The following CLCNKA variants were observed in gnomAD, a reference collection of about 807,000 sequenced individuals.
CLCNKA encodes the protein chloride voltage-gated channel Ka.
A neutral mutation model predicts 83.3 loss-of-function variants in CLCNKA; 66 were observed. The ratio of observed to expected loss-of-function variants is 0.79; its 90% CI spans 0.65 to 0.97. The LOEUF (loss-of-function observed/expected upper bound fraction) is 0.97. Ranked by LOEUF, CLCNKA falls within the 50% of genes least tolerant of loss-of-function variation. The probability of loss-of-function intolerance (pLI) is 0.00; values close to 1 mark genes in which losing one functional copy is unlikely to be tolerated. For synonymous variants in CLCNKA, 357 were observed against 370.4 expected (o/e 0.96, Z 0.42); for missense variants, 806 against 888.7 (o/e 0.91, Z 1.18).
At chr1:16,030,399 C>T in intron 14 of CLCNKA, 62 bp from the exon 15 acceptor site, 6 of 1,593,688 alleles carry the variant, frequency 3.8e-6, no homozygotes, top group East Asian at 4.5e-5. Context: ...TAGTTATTCC[C>T]TCACATCAGG....
At chr1:16,030,427 G>T in intron 14 of CLCNKA, 34 bp from the exon 15 acceptor site, 3 of 1,611,032 alleles carry the variant, frequency 1.9e-6, no homozygotes, top group Non-Finnish European at 2.5e-6. Context: ...CTGCCTCCTG[G>T]CCTGAGCCGA....
At chr1:16,030,342 C>A in intron 14 of CLCNKA, 119 bp from the exon 15 acceptor site, 4 of 1,273,984 alleles carry the variant, frequency 3.1e-6, no homozygotes, top group Non-Finnish European at 4.4e-6. Flanking sequence ...AGTGCCCAGG[C>A]TGTGGCCTCT....
At position 16,023,861 on chromosome 1, in the gene CLCNKA, G is replaced by T. The variant is rs1365289914; in HGVS notation, c.162G>T (p.Met54Ile). 6.2e-7 allele frequency: 1 copy of T among 1,614,200 alleles called. No homozygotes were observed. Among genetic ancestry groups the T allele is most frequent in the South Asian group, 1.1e-5 (1 of 91,076 alleles). The change falls in exon 3 of 20, where the codon ATG (methionine) becomes ATT (isoleucine). Residue 54 changes from methionine (M) to isoleucine (I), a missense_variant. Transcript: ENST00000331433. ...FRLGEDWYFL[M>I]TLGVLMALVS... ...TGGGAGAAGACTGGTACTTCCTGAT[G>T]ACCCTCGGGGTGCTCATGGCCCTGG...
intron 14 of CLCNKA, 40 bp downstream of exon 14, chr1:16,030,115 G>T: frequency 6.9e-7 from 1 of 1,444,586 alleles, no homozygotes; most frequent in Non-Finnish European, 9.7e-7. Context: ...CAATGTCGTG[G>T]GGCTGGGCTG....
At position 16,024,837 on chromosome 1, in the gene CLCNKA, GC is replaced by G; in HGVS notation, c.307del (p.Leu103SerfsTer24). 6.2e-7 allele frequency: 1 copy of G among 1,614,144 alleles called. No homozygotes were observed. Among genetic ancestry groups the G allele is most frequent in the Non-Finnish European group, 8.5e-7 (1 of 1,180,010 alleles). Reference protein sequence around the residue: ...RYLSWTVYPVALVSFSSGFSQ... With the variant: ...RYLSWTVYPVXLVSFSSGFSQ... ...TCTTTCCTGGACTGTGTACCCTGTG[GC>G]CCTCGTCTCTTTCTCCTCAGGCTTC... On this transcript the variant is annotated frameshift_variant, in exon 4 of 20. Transcript: ENST00000331433. LOFTEE classifies it high-confidence loss of function.
In CLCNKA at chr1:16,033,274, G is replaced by A. The variant is rs1412898692; in HGVS notation, c.2016+18G>A. On this transcript the variant is annotated intron_variant, in intron 19 of 19. Coordinates refer to ENST00000331433, the MANE Select transcript of CLCNKA (RefSeq NM_004070.4). ...GGGTGGAGGTACCAGGGTCCCGGGG[G>A]CAGAGCAAAGCAGGGGACCCATGCC... 6.2e-7 allele frequency: 1 copy of A among 1,613,156 alleles called. No homozygotes were observed. The highest frequency in any genetic ancestry group is 8.5e-7 in the Non-Finnish European group (1 of 1,179,230).
At chr1:16,024,922 G>C (rs2124024206) in intron 4 of CLCNKA, 31 bp downstream of exon 4, 2 of 1,613,682 alleles carry the variant, frequency 1.2e-6, no homozygotes, top group Non-Finnish European at 1.7e-6. Context: ...CCAGTCCCCA[G>C]TGCCAAAACC....
intron 3 of CLCNKA, among the ~76,000 whole-genome samples, chr1:16,024,483 G>T (rs1261938527): frequency 6.6e-6 from 1 of 152,260 alleles, no homozygotes; most frequent in African/African-American, 2.4e-5. Context: ...CAATGAGCCT[G>T]TGAGGAAGAG....
chr1:16,028,947 C>A, intron 11 of CLCNKA, 102 bp downstream of exon 11: 1 of 1,516,052 alleles, frequency 6.6e-7, no homozygotes, highest in Non-Finnish European at 9.1e-7. Flanking sequence ...CAGGGTGACA[C>A]CTGGGCATCA....
rs774126212 is a variant in CLCNKA, at chr1:16,027,862, G to T, written c.823G>T (p.Val275Phe). 3.7e-6 allele frequency: 6 copies of T among 1,613,252 alleles called. No individual in the cohort carries two copies. The South Asian group carries it at 5.5e-5, about 15-fold the overall frequency. Residue 275 changes from valine (V) to phenylalanine (F), a missense_variant, in exon 9 of 20, where the codon GTT (valine) becomes TTT (phenylalanine). Coordinates refer to ENST00000331433, the MANE Select transcript of CLCNKA (RefSeq NM_004070.4). The part of the protein sequence containing the change: ...SLYKTSFRVD[V>F]PFDLPEIFFF... ...CTACAAGACCAGTTTCCGGGTGGAC[G>T]TTCCCTTCGACCTGCCTGAGATCTT...
At chr1:16,028,648 G>T in intron 10 of CLCNKA, 113 bp from the exon 11 acceptor site, 2 of 1,327,390 alleles carry the variant, frequency 1.5e-6, no homozygotes, top group Middle Eastern at 1.8e-4. Flanking sequence ...TCCTTGCCTC[G>T]GTATCAGCCC....
intron 2 of CLCNKA, 98 bp downstream of exon 2, chr1:16,022,817 T>C (rs557989275): frequency 5.4e-4 from 466 of 863,662 alleles, no homozygotes; most frequent in Non-Finnish European, 6.4e-4. Context: ...ACCACCCTCC[T>C]GTCATTTGTC....
intron 15 of CLCNKA, among the ~76,000 whole-genome samples, chr1:16,031,217 G>T (rs1465536312): frequency 6.6e-6 from 1 of 152,222 alleles, no homozygotes; most frequent in Non-Finnish European, 1.5e-5. Flanking sequence ...CTGCTGCCTT[G>T]CTCTGAACCT....
rs754492807 is a variant in CLCNKA, at chr1:16,029,947, C to T, written c.1298-18C>T. Reference sequence around the variant, plus strand: ...GCCGGGTCAGCCTGGCTCCCCCTCACCCTAAGTCTGTGGCCAGGAGCTGCC... The same window carrying T: ...GCCGGGTCAGCCTGGCTCCCCCTCATCCTAAGTCTGTGGCCAGGAGCTGCC... On this transcript the variant is annotated intron_variant, in intron 13 of 19. Transcript: ENST00000331433. The T allele has an allele frequency of 1.2e-6, 2 of 1,606,148 alleles. No homozygotes were observed. The highest frequency in any genetic ancestry group is 1.7e-5 in the Admixed American group (1 of 60,010).
intron 10 of CLCNKA, 112 bp from the exon 11 acceptor site, chr1:16,028,649 G>C: frequency 7.5e-7 from 1 of 1,337,024 alleles, no homozygotes; most frequent in Non-Finnish European, 1.1e-6. Flanking sequence ...CCTTGCCTCG[G>C]TATCAGCCCC....
At chr1:16,028,462 C>T in intron 10 of CLCNKA, 2 of 616,748 alleles carry the variant, frequency 3.2e-6, no homozygotes, top group Non-Finnish European at 5.9e-6. Context: ...TGCACATGGC[C>T]CGCCCCGGCC....
chr1:16,027,966 C>G (rs571199355), intron 9 of CLCNKA, 52 bp from the exon 10 acceptor site: 29 of 1,614,012 alleles, frequency 1.8e-5, no homozygotes, highest in Non-Finnish European at 2.3e-5. Context: ...GCCTGGACTG[C>G]GGCCCCTGGT....
Position 16,030,064 on chromosome 1 carries a change from A to G in CLCNKA, c.1397A>G (p.Tyr466Cys), listed in dbSNP as rs1366893241. 6.2e-7 allele frequency: 1 copy of G among 1,606,006 alleles called. No individual in the cohort carries two copies. The highest frequency in any genetic ancestry group is 1.7e-5 in the Admixed American group (1 of 60,008). Residue 466 changes from tyrosine to cysteine, a missense_variant, in exon 14 of 20, where the codon TAT becomes TGT. Tyr to Cys is a radical substitution (Grantham distance 194, BLOSUM62 -2). Transcript: ENST00000331433. ...ACCAATCCCATCATGCCCGGGGGGT[A>G]TGCTCTGGCAGGTGAGTGGGTCACG... Reference protein sequence around the residue: ...GVTNPIMPGGYALAGAAAFSG... With the variant: ...GVTNPIMPGGCALAGAAAFSG...
At chr1:16,032,561 C>T (rs1175708584) in intron 18 of CLCNKA, 35 bp downstream of exon 18, 1 of 1,512,096 alleles carries the variant, frequency 6.6e-7, no homozygotes, top group East Asian at 2.3e-5. Context: ...ACACGCAGCC[C>T]CCGGGGCAGG....
Sources: allele counts gnomAD v4.1 joint callset (sites outside exome capture counted in the v4.1 genomes callset), GRCh38; gene constraint gnomAD v4.1.1; transcripts MANE v1.5; gene names NCBI Gene and HGNC (gene_info 2026-07-23, HGNC 2026-07-21).